The following SCAMP4 variants were observed in gnomAD, a reference collection of about 807,000 sequenced individuals.
SCAMP4 encodes secretory carrier membrane protein 4, also known as secretory carrier-associated membrane protein 4.
Under a neutral mutation model 32.1 loss-of-function variants are expected in SCAMP4, and 19 were observed. The ratio of observed to expected loss-of-function variants is 0.59; its 90% confidence interval spans 0.41 to 0.87. The LOEUF (loss-of-function observed/expected upper bound fraction) is 0.87. SCAMP4 is among the 40% of genes least tolerant of loss of function. The pLI is 0.00. For synonymous variants in SCAMP4, 152 were observed against 132.7 expected, an observed-to-expected ratio of 1.15 and a Z score of -1.00; for missense variants, 302 against 309.0, an observed-to-expected ratio of 0.98 and a Z score of 0.17.
intron 2 of SCAMP4, chr19:1,915,385 T>C (rs1424605885): frequency 5.7e-6 from 2 of 352,872 alleles, no homozygotes; most frequent in South Asian, 3.0e-5. Context: ...CGTAAGCCCC[T>C]GAGGACAGGG....
At chr19:1,913,162 C>A in intron 1 of SCAMP4, 1 of 1,525,154 alleles carries the variant, frequency 6.6e-7, no homozygotes, top group South Asian at 1.2e-5. Context: ...GCGCCGCCCT[C>A]CTGCCTCCGG....
intron 5 of SCAMP4, chr19:1,919,428 C>A: frequency 1.0e-6 from 1 of 985,150 alleles, no homozygotes; most frequent in Non-Finnish European, 1.2e-6. Flanking sequence ...CACAGTCACT[C>A]TCTAAGGCTG....
intron 1 of SCAMP4, chr19:1,912,875 C>T (rs762871409): frequency 6.2e-7 from 1 of 1,602,756 alleles, no homozygotes; most frequent in South Asian, 1.1e-5. Context: ...CCCAGGCCGT[C>T]CGCGCAGGCG....
At chr19:1,912,453 C>G in intron 1 of SCAMP4, 2 of 1,506,918 alleles carry the variant, frequency 1.3e-6, no homozygotes, top group Non-Finnish European at 1.8e-6. Context: ...CCCCCGCGGC[C>G]TGGGGCAACC....
intron 3 of SCAMP4, among the ~76,000 whole-genome samples, 152 bp from the exon 4 acceptor site, chr19:1,917,975 C>T (rs2013788644): frequency 6.6e-6 from 1 of 152,276 alleles, no homozygotes; most frequent in South Asian, 2.1e-4. Context: ...GGCTGGTGTC[C>T]AGGCCCCAGT....
At chr19:1,921,985 G>A (rs770228452) in intron 5 of SCAMP4, 1,132 of 985,352 alleles carry the variant, frequency 1.1e-3, no homozygotes, top group Non-Finnish European at 1.3e-3. Context: ...TAAGCTCCCC[G>A]GACACATCCG....
chr19:1,912,281 G>A, intron 1 of SCAMP4: 1 of 1,585,870 alleles, frequency 6.3e-7, no homozygotes, highest in Middle Eastern at 1.7e-4. Flanking sequence ...TCCTGAAGGA[G>A]GTGTCGGCCC....
chr19:1,918,187 G>T lies in SCAMP4; in HGVS notation c.197G>T (p.Gly66Val), dbSNP rs918168874. 4 of 1,612,536 alleles carry T rather than the reference G, an allele frequency of 2.5e-6. No individual in the cohort carries two copies. Among genetic ancestry groups the T allele is most frequent in the African/African-American group, 1.3e-5 (1 of 74,946 alleles). The change falls in exon 4 of 7, where the codon GGC (glycine) becomes GTC (valine). Residue 66 changes from glycine (G) to valine (V), a missense_variant. Coordinates refer to ENST00000316097, the MANE Select transcript of SCAMP4 (RefSeq NM_079834.4). ...IACLAWWIGG[G>V]SGTNFGLAFV... ...TGCCTGGCCTGGTGGATCGGCGGAGGCTCGGGGACCAACTTCGGCCTGGCC... is the reference window on the plus strand; with the variant it reads ...TGCCTGGCCTGGTGGATCGGCGGAGTCTCGGGGACCAACTTCGGCCTGGCC...
chr19:1,914,180 G>A (rs1367976956), intron 1 of SCAMP4, among the ~76,000 whole-genome samples: 1 of 152,222 alleles, frequency 6.6e-6, no homozygotes, highest in African/African-American at 2.4e-5. Context: ...GGGGCAGGAA[G>A]TCAGGGAGGA....
chr19:1,918,853 G>C, intron 4 of SCAMP4, 36 bp from the exon 5 acceptor site: 1 of 1,576,080 alleles, frequency 6.3e-7, no homozygotes, highest in Non-Finnish European at 8.6e-7. Flanking sequence ...AGAAGCCAGG[G>C]CTGTGGTAAC....
At chr19:1,911,745 T>C (rs2013459474) in intron 1 of SCAMP4, 6 of 276,888 alleles carry the variant, frequency 2.2e-5, no homozygotes, top group South Asian at 1.3e-4. Flanking sequence ...ATCATGCCAC[T>C]GTACTCCAGC....
At chr19:1,917,854 CGGGAGGCA>C (rs2013783896) in intron 3 of SCAMP4, 32 bp downstream of exon 3, 1 of 1,611,478 alleles carries the variant, frequency 6.2e-7, no homozygotes, top group African/African-American at 1.3e-5. Flanking sequence ...AGGCGGGAAG[CGGGAGGCA>C]GGGCTCCCCG....
Position 1,908,351 on chromosome 19 carries a change from C to CTGGA in SCAMP4, c.-42+2913_-42+2916dup. On this transcript the variant is annotated intron_variant, in intron 1 of 6. Coordinates refer to ENST00000316097, the MANE Select transcript of SCAMP4 (RefSeq NM_079834.4). This position sits in a 1 kb window ranked among gnomAD's most constrained non-coding sequence, Gnocchi z 4.2. ...CAGCGTGACCTCCAAGGCCACTGGC[C>CTGGA]TGGAGTTCCACTGGCTGCTGGTCCC... is the stretch of plus-strand genomic sequence containing the variant. 1 of 383,402 alleles carries CTGGA rather than the reference C, an allele frequency of 2.6e-6. No homozygotes were observed. The highest frequency in any genetic ancestry group is 5.3e-6 in the Non-Finnish European group (1 of 189,484). The allele number at this position is 383,402 out of a possible 1,614,324, so 23.8% of individuals were successfully genotyped here.
At chr19:1,905,770 C>T (rs1046785318) in intron 1 of SCAMP4, 1 of 152,414 alleles carries the variant, frequency 6.6e-6, no homozygotes, top group Non-Finnish European at 1.5e-5. Context: ...GGTGGCCCTT[C>T]CTCAGGTCAT....
At chr19:1,914,412 C>G (rs1473382985) in intron 1 of SCAMP4, 1 of 161,048 alleles carries the variant, frequency 6.2e-6, no homozygotes, top group Admixed American at 5.9e-5. Context: ...ATGGTTCACA[C>G]CCCACTGGTC....
intron 5 of SCAMP4, chr19:1,920,092 T>C: frequency 1.0e-6 from 1 of 978,768 alleles, no homozygotes; most frequent in Non-Finnish European, 1.2e-6. Flanking sequence ...ATTACAGGCG[T>C]GAGCCACTGT....
intron 5 of SCAMP4, chr19:1,920,619 A>T (rs949457990): frequency 5.1e-6 from 5 of 985,354 alleles, no homozygotes; most frequent in Non-Finnish European, 6.0e-6. Context: ...CAGCTCTGCC[A>T]GCCTTTGGGG....
chr19:1,909,718 A>G (rs9749188), intron 1 of SCAMP4, among the ~76,000 whole-genome samples: 40,781 of 151,768 alleles, frequency 0.27, 6,596 homozygotes, highest in African/African-American at 0.43. Flanking sequence ...GAGCCCCGGG[A>G]GTGATCCCAG....
intron 1 of SCAMP4, chr19:1,913,018 A>G (rs1161745978): frequency 2.5e-6 from 4 of 1,606,296 alleles, no homozygotes; most frequent in Non-Finnish European, 3.4e-6. Context: ...CGCGTCTTCT[A>G]CGGTGCGCCC....
Sources: allele counts gnomAD v4.1 joint callset (sites outside exome capture counted in the v4.1 genomes callset), GRCh38; gene constraint gnomAD v4.1.1; non-coding constraint Gnocchi (gnomAD v3.1); transcripts MANE v1.5; gene names NCBI Gene and HGNC (gene_info 2026-07-23, HGNC 2026-07-21).